Variants in PCDHGA7 observed in about 807,000 individuals in gnomAD.
The protein encoded by PCDHGA7 is protocadherin gamma-A7.
Under a neutral mutation model 58.3 loss-of-function variants are expected in PCDHGA7, and 44 were observed. The observed-to-expected ratio is 0.75, with a 90% CI of 0.59 to 0.97. The LOEUF (loss-of-function observed/expected upper bound fraction) is 0.97, where lower values mean the gene tolerates loss of function less well. Among genes scored for constraint, PCDHGA7 ranks in the 50% least tolerant of loss-of-function variants. The probability of loss-of-function intolerance (pLI) is 0.00; values close to 1 mark genes in which losing one functional copy is unlikely to be tolerated. For synonymous variants in PCDHGA7, 516 were observed against 504.2 expected (o/e 1.02, Z -0.31); for missense variants, 1,266 against 1,188.7 (o/e 1.06, Z -0.96).
In PCDHGA7 at chr5:141,465,057, A is replaced by T. The variant is rs1253395484; in HGVS notation, c.2425-29750A>T. 3.3e-5 allele frequency among the ~76,000 whole-genome samples: 5 copies of T among 151,646 alleles called. No homozygotes were observed. The East Asian group carries it at 9.6e-4, about 29-fold the overall frequency. ...ACAAATGACCCTATATATTTTTTTG[A>T]ATTGTCTGTTCATGTCTTATTTTCA... On this transcript the variant is annotated intron_variant, in intron 1 of 3. Coordinates refer to ENST00000518325, the MANE Select transcript of PCDHGA7 (RefSeq NM_018920.4).
In PCDHGA7 at chr5:141,490,647, G is replaced by T; in HGVS notation, c.2425-4160G>T. 6.2e-7 allele frequency: 1 copy of T among 1,614,084 alleles called. No homozygotes were observed. Among genetic ancestry groups the T allele is most frequent in the Non-Finnish European group, 8.5e-7 (1 of 1,180,014 alleles). ...CTTACATCCTAGAAAACCGGCCTCCGGGCTCCCTTCTTTGCACTGTGGCTG... is the reference window on the plus strand; with the variant it reads ...CTTACATCCTAGAAAACCGGCCTCCTGGCTCCCTTCTTTGCACTGTGGCTG... On this transcript the variant is annotated intron_variant, in intron 1 of 3. Transcript: ENST00000518325. This position sits in a 1 kb window ranked among gnomAD's most constrained non-coding sequence, Gnocchi z 5.4.
intron 1 of PCDHGA7, chr5:141,410,115 C>G (rs1361621262): frequency 6.2e-7 from 1 of 1,612,624 alleles, no homozygotes; most frequent in African/African-American, 1.3e-5. Flanking sequence ...AGGGACGCAG[C>G]CCGCCAGCGC....
At chr5:141,495,277 G>A (rs2099760037) in intron 2 of PCDHGA7, among the ~76,000 whole-genome samples, 1 of 152,168 alleles carries the variant, frequency 6.6e-6, no homozygotes, top group African/African-American at 2.4e-5. Context: ...ACCGGAGGAG[G>A]CGGTCCGCAC....
In PCDHGA7 at chr5:141,476,374, GTTTGTGAACGACCGTC is replaced by G. The variant is rs1424626307; in HGVS notation, c.2425-18431_2425-18416del. 1 of 1,614,060 alleles carries G rather than the reference GTTTGTGAACGACCGTC, an allele frequency of 6.2e-7. No individual in the cohort carries two copies. The highest frequency in any genetic ancestry group is 1.3e-5 in the African/African-American group (1 of 74,922). Reference sequence around the variant, plus strand: ...AGGTGAACCGGGAGACCGGAGAGATGTTTGTGAACGACCGTCTGGATCGAGAGGAGCTGTGTGGGAC... The same window carrying G: ...AGGTGAACCGGGAGACCGGAGAGATGTGGATCGAGAGGAGCTGTGTGGGAC... On this transcript the variant is annotated intron_variant, in intron 1 of 3. Coordinates refer to ENST00000518325, the MANE Select transcript of PCDHGA7 (RefSeq NM_018920.4). The surrounding 1 kb of genome is among the most constrained non-coding windows in gnomAD (Gnocchi z 7.6).
Position 141,499,370 on chromosome 5 carries a change from A to T in PCDHGA7, c.2483+4505A>T, listed in dbSNP as rs546430948. ...CATTCAACAAACAAATAGCAACTTA[A>T]TTTTTTTCCACTTATAAAATAGTAC... On this transcript the variant is annotated intron_variant, in intron 2 of 3. Coordinates refer to ENST00000518325, the MANE Select transcript of PCDHGA7 (RefSeq NM_018920.4). 2.0e-3 allele frequency among the ~76,000 whole-genome samples: 300 copies of T among 152,286 alleles called. 1 individual carries two copies. The highest frequency in any genetic ancestry group is 2.7e-3 in the Non-Finnish European group (184 of 68,028).
At chr5:141,397,858 C>G in intron 1 of PCDHGA7, 2 of 559,034 alleles carry the variant, frequency 3.6e-6, no homozygotes, top group South Asian at 2.6e-5. Context: ...GCTGTAGTTT[C>G]CTAGTGCTGA....
At chr5:141,389,582 T>C (rs1266016569) in intron 1 of PCDHGA7, 2 of 1,613,146 alleles carry the variant, frequency 1.2e-6, no homozygotes, top group Non-Finnish European at 1.7e-6. Context: ...CCGCGCTGGG[T>C]CCCGACGGCT....
chr5:141,399,448 G>A (rs1272959259), intron 1 of PCDHGA7: 5 of 1,613,872 alleles, frequency 3.1e-6, no homozygotes, highest in Non-Finnish European at 4.2e-6. Flanking sequence ...TATCAGAGAC[G>A]TCAACGATAA....
Position 141,385,182 on chromosome 5 carries a change from G to C in PCDHGA7, c.2283G>C (p.Ala761=), listed in dbSNP as rs374159387. 6.2e-7 allele frequency: 1 copy of C among 1,614,138 alleles called. No homozygotes were observed. Among genetic ancestry groups the C allele is most frequent in the African/African-American group, 1.3e-5 (1 of 75,026 alleles). Residue 761 remains alanine (A), a synonymous_variant, in exon 1 of 4, where the codon GCG becomes GCC. Transcript: ENST00000518325. The part of the protein sequence containing the change: ...QTYSHEVSLT[A]DSRKSHLIFP... ...ATTCCCATGAGGTCTCCCTCACCGCGGACTCTCGGAAGAGTCACCTGATCT... is the reference window on the plus strand; with the variant it reads ...ATTCCCATGAGGTCTCCCTCACCGCCGACTCTCGGAAGAGTCACCTGATCT...
intron 1 of PCDHGA7, chr5:141,400,218 G>C (rs2093982352): frequency 6.2e-7 from 1 of 1,613,932 alleles, no homozygotes; most frequent in Admixed American, 1.7e-5. Context: ...TGATCTCAGT[G>C]CTCTTCCTCC....
In PCDHGA7 at chr5:141,476,606, G is replaced by A; in HGVS notation, c.2425-18201G>A. 1 of 1,614,244 alleles carries A rather than the reference G, an allele frequency of 6.2e-7. No homozygotes were observed. Among genetic ancestry groups the A allele is most frequent in the Non-Finnish European group, 8.5e-7 (1 of 1,180,046 alleles). Reference sequence around the variant, plus strand: ...GCTCGAGAGCGCGCACGATCCCGATGTGGGAAGCAACTCTTTACAAACCTA... The same window carrying A: ...GCTCGAGAGCGCGCACGATCCCGATATGGGAAGCAACTCTTTACAAACCTA... On this transcript the variant is annotated intron_variant, in intron 1 of 3. Transcript: ENST00000518325. The surrounding 1 kb of genome is among the most constrained non-coding windows in gnomAD (Gnocchi z 7.6).
In PCDHGA7 at chr5:141,402,356, T is replaced by C. The variant is rs183915738; in HGVS notation, c.2424+17033T>C. Among the ~76,000 whole-genome samples, 46 of 152,098 alleles carry C rather than the reference T, an allele frequency of 3.0e-4. 1 individual carries two copies. Among genetic ancestry groups the C allele is most frequent in the African/African-American group, 1.0e-3 (43 of 41,550 alleles). On this transcript the variant is annotated intron_variant, in intron 1 of 3. Coordinates refer to ENST00000518325, the MANE Select transcript of PCDHGA7 (RefSeq NM_018920.4). ...TATAGGTATAAAAATTAAAAATGAA[T>C]GTACTTCCAAACAAGATTGCACATA...
At position 141,421,588 on chromosome 5, in the gene PCDHGA7, G is replaced by C; in HGVS notation, c.2424+36265G>C. 3 of 1,613,910 alleles carry C rather than the reference G, an allele frequency of 1.9e-6. No homozygotes were observed. The South Asian group carries it at 3.3e-5, about 18-fold the overall frequency. ...AGACACCTTGAAGATTTACGGAGTGGAGGTGGAAATAATAGATATTAATGA... is the reference window on the plus strand; with the variant it reads ...AGACACCTTGAAGATTTACGGAGTGCAGGTGGAAATAATAGATATTAATGA... On this transcript the variant is annotated intron_variant, in intron 1 of 3. Coordinates refer to ENST00000518325, the MANE Select transcript of PCDHGA7 (RefSeq NM_018920.4).
chr5:141,427,999 T>A, intron 1 of PCDHGA7: 1 of 1,601,186 alleles, frequency 6.2e-7, no homozygotes, highest in Non-Finnish European at 8.5e-7. Context: ...GGCTCCGCAC[T>A]CTTCGATATA....
Position 141,415,739 on chromosome 5 carries a change from GGTTTT to G in PCDHGA7, c.2424+30417_2424+30421del, listed in dbSNP as rs2095909931. ...ATGAGTAGAATTTGATGTTTATTAA[GGTTTT>G]TTTTTTTTTTTTTTTTTTTTTTTTT... On this transcript the variant is annotated intron_variant, in intron 1 of 3. Transcript: ENST00000518325. 124 of 435,052 alleles carry G rather than the reference GGTTTT, an allele frequency of 2.9e-4. No homozygotes were observed. The African/African-American group carries it at 3.6e-3, about 13-fold the overall frequency. 26.9% of individuals were successfully genotyped at this position (435,052 alleles called of 1,614,324 possible).
In PCDHGA7 at chr5:141,384,734, G is replaced by T. The variant is rs1780422653; in HGVS notation, c.1835G>T (p.Ser612Ile). 1 of 1,613,988 alleles carries T rather than the reference G, an allele frequency of 6.2e-7. No individual in the cohort carries two copies. Residue 612 changes from serine to isoleucine, a missense_variant, in exon 1 of 4, where the codon AGC (serine) becomes ATC (isoleucine). By Grantham distance (142) the Ser-to-Ile change is moderately radical (BLOSUM62 -2). Transcript: ENST00000518325. The stretch of plus-strand genomic sequence containing the variant: ...CTGTCATACCTCCTGCTTAAGGCCA[G>T]CGAGCCAGGACTCTTTGCGGTTGGG... Reference protein sequence around the residue: ...AWLSYLLLKASEPGLFAVGLY... With the variant: ...AWLSYLLLKAIEPGLFAVGLY...
At chr5:141,510,579 C>T (rs2099881748) in intron 3 of PCDHGA7, among the ~76,000 whole-genome samples, 1 of 152,170 alleles carries the variant, frequency 6.6e-6, no homozygotes, top group Non-Finnish European at 1.5e-5. Flanking sequence ...CACTATTTTA[C>T]GTACCTGACA....
At chr5:141,390,217 T>C (rs373008153) in intron 1 of PCDHGA7, 21 of 1,613,944 alleles carry the variant, frequency 1.3e-5, no homozygotes, top group Non-Finnish European at 1.8e-5. Flanking sequence ...CAAGACATAC[T>C]TTGCGGTGAT....
intron 1 of PCDHGA7, among the ~76,000 whole-genome samples, chr5:141,472,131 A>C (rs565506002): frequency 6.6e-6 from 1 of 152,264 alleles, no homozygotes; most frequent in Non-Finnish European, 1.5e-5. Flanking sequence ...AGAGAAGTTA[A>C]AAATAAAAGT....
Sources: allele counts gnomAD v4.1 joint callset (sites outside exome capture counted in the v4.1 genomes callset), GRCh38; gene constraint gnomAD v4.1.1; non-coding constraint Gnocchi (gnomAD v3.1); transcripts MANE v1.5; gene names NCBI Gene and HGNC (gene_info 2026-07-23, HGNC 2026-07-21).